Variants in PAX2 observed in about 807,000 individuals in gnomAD.
PAX2 encodes paired box protein Pax-2.
Under a neutral mutation model 41.7 loss-of-function variants are expected in PAX2, and 9 were observed. That is an observed-to-expected ratio of 0.22 (90% CI 0.13 to 0.38). The LOEUF is 0.38. PAX2 is among the 10% of genes least tolerant of loss of function. The pLI is 1.00. For missense variants in PAX2, 418 were observed against 531.6 expected, an observed-to-expected ratio of 0.79 and a Z score of 2.10; for synonymous variants, 221 against 212.7, an observed-to-expected ratio of 1.04 and a Z score of -0.34.
chr10:100,761,930 T>C (rs147752831), intron 3 of PAX2, among the ~76,000 whole-genome samples: 1 of 152,330 alleles, frequency 6.6e-6, no homozygotes, highest in East Asian at 1.9e-4. Context: ...GGAGACATTA[T>C]TCTGGTTTCC....
At position 100,748,382 on chromosome 10, in the gene PAX2, T is replaced by C; in HGVS notation, c.44-1364T>C. The C allele has an allele frequency of 3.1e-6, 3 of 982,032 alleles. No individual in the cohort carries two copies. Among genetic ancestry groups the C allele is most frequent in the Non-Finnish European group, 2.4e-6 (2 of 829,426 alleles). 60.8% of individuals were successfully genotyped at this position (982,032 alleles called of 1,614,324 possible). ...GCTTCAGTCTCTCCCAGCAACGCGA[T>C]CAGAGGTCTTTCCCCAGGGTTTCAC... On this transcript the variant is annotated intron_variant, in intron 1 of 9. Coordinates refer to ENST00000355243, the MANE Select transcript of PAX2 (RefSeq NM_000278.5). This position sits in a 1 kb window ranked among gnomAD's most constrained non-coding sequence, Gnocchi z 5.0.
At chr10:100,809,872 G>T (rs1364480293) in intron 7 of PAX2, among the ~76,000 whole-genome samples, 1 of 152,212 alleles carries the variant, frequency 6.6e-6, no homozygotes, top group Non-Finnish European at 1.5e-5. Flanking sequence ...ATGGCCAGGA[G>T]CCCCTACAAA....
In PAX2 at chr10:100,807,590, G is replaced by A. The variant is rs952755018; in HGVS notation, c.792+985G>A. Among the ~76,000 whole-genome samples, 5 of 152,280 alleles carry A rather than the reference G, an allele frequency of 3.3e-5. No homozygotes were observed. In the South Asian group the frequency reaches 8.3e-4, roughly 25 times the overall value. On this transcript the variant is annotated intron_variant, in intron 6 of 9. Coordinates refer to ENST00000355243, the MANE Select transcript of PAX2 (RefSeq NM_000278.5). The stretch of plus-strand genomic sequence containing the variant: ...GTACTCACAGCTAGCCCCGGCAGCC[G>A]CATGGAGCCAGTGGGTGTGTGCTGC...
At chr10:100,741,492 G>A (rs1199589772), upstream of PAX2, among the ~76,000 whole-genome samples, 1 of 151,638 alleles carries the variant, frequency 6.6e-6, no homozygotes, top group Non-Finnish European at 1.5e-5. Flanking sequence ...ATGGGGAGGA[G>A]GAGGGGGAAA....
chr10:100,805,786 C>T (rs2133949116), intron 5 of PAX2, among the ~76,000 whole-genome samples: 1 of 152,282 alleles, frequency 6.6e-6, no homozygotes, highest in South Asian at 2.1e-4. Context: ...TGGGCTCTGC[C>T]CAAGCGGGAG....
chr10:100,821,085 C>G (rs1354725116), intron 7 of PAX2, among the ~76,000 whole-genome samples: 1 of 152,224 alleles, frequency 6.6e-6, no homozygotes, highest in Admixed American at 6.5e-5. Flanking sequence ...GATTCCATTA[C>G]CCATTCATAT....
At chr10:100,809,627 C>A (rs986577254) in intron 7 of PAX2, among the ~76,000 whole-genome samples, 2 of 152,240 alleles carry the variant, frequency 1.3e-5, no homozygotes, top group Non-Finnish European at 2.9e-5. Flanking sequence ...TGTCCAGCCT[C>A]CACACTTGGG....
At chr10:100,785,113 C>A (rs1268724695) in intron 5 of PAX2, among the ~76,000 whole-genome samples, 2 of 152,198 alleles carry the variant, frequency 1.3e-5, no homozygotes, top group Admixed American at 1.3e-4. Flanking sequence ...GTGCTGGATT[C>A]CCTGGGCCCT....
In PAX2 at chr10:100,827,761, C is replaced by T. The variant is rs956627448; in HGVS notation, c.*142C>T. 2.2e-5 allele frequency: 29 copies of T among 1,307,186 alleles called. No individual in the cohort carries two copies. In the African/African-American group the frequency reaches 3.6e-4, roughly 16 times the overall value. The allele number at this position is 1,307,186 out of a possible 1,614,324, so 81.0% of individuals were successfully genotyped here. A position where few individuals can be genotyped will look rare whatever the true frequency, so the allele number is the denominator to read the frequency against. On this transcript the variant is annotated 3_prime_UTR_variant, in exon 10 of 10. Transcript: ENST00000355243. This position sits in a 1 kb window ranked among gnomAD's most constrained non-coding sequence, Gnocchi z 8.5. ...GCCCCAGCCTCACCCCATCCCACGA[C>T]CCCCGCAACCCTTCACATCACCCCC...
chr10:100,790,890 A>C (rs372193170), intron 5 of PAX2, among the ~76,000 whole-genome samples: 1 of 152,310 alleles, frequency 6.6e-6, no homozygotes, highest in South Asian at 2.1e-4. Flanking sequence ...GGCCTGGCTC[A>C]GGGGCTGCGA....
chr10:100,739,972 G>A (rs1206340358), intron 1 of PAX2, among the ~76,000 whole-genome samples: 1 of 152,234 alleles, frequency 6.6e-6, no homozygotes, highest in Non-Finnish European at 1.5e-5. Flanking sequence ...CCCAGAGACA[G>A]GTGGTGGCTT....
intron 3 of PAX2, among the ~76,000 whole-genome samples, chr10:100,774,605 G>T (rs1846320085): frequency 6.6e-6 from 1 of 152,106 alleles, no homozygotes; most frequent in Non-Finnish European, 1.5e-5. Context: ...AAGCACCCGG[G>T]CCTAGGGGTC....
At chr10:100,807,403 C>T (rs1366740337) in intron 6 of PAX2, among the ~76,000 whole-genome samples, 2 of 151,150 alleles carry the variant, frequency 1.3e-5, no homozygotes, top group African/African-American at 4.9e-5. Context: ...CCCTCACCCA[C>T]AGCCCACGGT....
chr10:100,788,828 A>C (rs1846981674), intron 5 of PAX2, among the ~76,000 whole-genome samples: 1 of 152,020 alleles, frequency 6.6e-6, no homozygotes, highest in African/African-American at 2.4e-5. Flanking sequence ...ACTTGGATAC[A>C]ATTATGTCTG....
At position 100,746,013 on chromosome 10, in the gene PAX2, AC is replaced by A. The variant is rs1234260488; in HGVS notation, c.-246del. On this transcript the variant is annotated 5_prime_UTR_variant, in exon 1 of 10. Coordinates refer to ENST00000355243, the MANE Select transcript of PAX2 (RefSeq NM_000278.5). ...CCACCGCCCCGGGGCCATTCTGCTGACCGCCCAGCCCCGAGCCCCGACAGTG... is the reference window on the plus strand; with the variant it reads ...CCACCGCCCCGGGGCCATTCTGCTGACGCCCAGCCCCGAGCCCCGACAGTG... 1 of 1,389,148 alleles carries A rather than the reference AC, an allele frequency of 7.2e-7. No individual in the cohort carries two copies. Among genetic ancestry groups the A allele is most frequent in the Non-Finnish European group, 9.3e-7 (1 of 1,078,626 alleles). The allele number at this position is 1,389,148 out of a possible 1,614,324, so 86.1% of individuals were successfully genotyped here.
Position 100,827,717 on chromosome 10 carries a change from G to A in PAX2, c.*98G>A, listed in dbSNP as rs1848632355. 1.2e-6 allele frequency: 2 copies of A among 1,606,396 alleles called. No homozygotes were observed. The highest frequency in any genetic ancestry group is 2.2e-5 in the South Asian group (2 of 90,722). The stretch of plus-strand genomic sequence containing the variant: ...CGGAGGGAGGGAGGACCGACGCGAC[G>A]CGATGCCTCCCGGCCACCGCCCCAG... On this transcript the variant is annotated 3_prime_UTR_variant, in exon 10 of 10. Coordinates refer to ENST00000355243, the MANE Select transcript of PAX2 (RefSeq NM_000278.5). This position sits in a 1 kb window ranked among gnomAD's most constrained non-coding sequence, Gnocchi z 8.5.
chr10:100,827,093 T>A lies in PAX2; in HGVS notation c.1106T>A (p.Leu369Gln), dbSNP rs533070918. The A allele has an allele frequency of 1.2e-6, 2 of 1,610,708 alleles. No individual in the cohort carries two copies. The highest frequency in any genetic ancestry group is 2.7e-5 in the African/African-American group (2 of 74,950). ...TGGAGATTCAGCAACCCCGCCTTAC[T>A]AAGTGAGTACGCCACCTGGCTGGCC... ...EAWRFSNPAL[L>Q]SSPYYYSAAP... Residue 369 changes from leucine to glutamine, a missense_variant and splice_region_variant, in exon 9 of 10, where the codon CTA (leucine) becomes CAA (glutamine). Physicochemically the swap from Leu to Gln is moderately radical, Grantham distance 113. This residue lies in a region of PAX2 where 310 missense variants were observed against 325.2 expected (regional missense o/e 0.95). Transcript: ENST00000355243. This position sits in a 1 kb window ranked among gnomAD's most constrained non-coding sequence, Gnocchi z 8.5.
intron 1 of PAX2, 80 bp downstream of exon 1, chr10:100,746,383 C>T: frequency 9.9e-7 from 1 of 1,007,350 alleles, no homozygotes; most frequent in Non-Finnish European, 1.6e-6. Context: ...GGCCCCGGCC[C>T]CTCGCGCTCA....
At chr10:100,806,325 C>T (rs1847778989) in intron 5 of PAX2, 105 bp from the exon 6 acceptor site, 4 of 1,190,824 alleles carry the variant, frequency 3.4e-6, no homozygotes, top group Non-Finnish European at 5.0e-6. Context: ...CATAGGGGTG[C>T]AGAGCTCCTG....
Sources: gnomAD v4.1 joint callset for allele counts (sites outside exome capture counted in the v4.1 genomes callset) on GRCh38, gnomAD v4.1.1 for gene constraint, gnomAD v4.1.1 regional missense constraint, Gnocchi (gnomAD v3.1) non-coding constraint, MANE v1.5 for transcripts, NCBI Gene and HGNC (gene_info 2026-07-23, HGNC 2026-07-21) for gene names.